Variants in SPIRE2 observed in about 807,000 individuals in gnomAD.
SPIRE2 encodes the protein spire type actin nucleation factor 2.
Under a neutral mutation model 80.7 loss-of-function variants are expected in SPIRE2, and 76 were observed. That is an observed-to-expected ratio of 0.94 (90% CI 0.78 to 1.14). SPIRE2 has a LOEUF of 1.14. Among genes scored for constraint, SPIRE2 ranks in the 50% most tolerant of loss-of-function variants. The pLI is 0.00. For missense variants in SPIRE2, 1,196 were observed against 1,015.3 expected (o/e 1.18, Z -2.42); for synonymous variants, 535 against 432.6 (o/e 1.24, Z -2.94).
At chr16:89,829,344 A>G (rs1332573997) in intron 1 of SPIRE2, among the ~76,000 whole-genome samples, 1 of 152,216 alleles carries the variant, frequency 6.6e-6, no homozygotes, top group East Asian at 1.9e-4. Context: ...CTTAACCATC[A>G]ACCAGAACCA....
At position 89,869,627 on chromosome 16, in the gene SPIRE2, C is replaced by T. The variant is rs768272909; in HGVS notation, c.1867C>T (p.Pro623Ser). ...IPVYTLGFESPQRVSAAKTAP... is the reference protein window; with the variant it reads ...IPVYTLGFESSQRVSAAKTAP... Reference sequence around the variant, plus strand: ...TGTCTACACACTGGGCTTTGAGAGTCCTCAGAGGGTATCAGCTGCCAAAAC... The same window carrying T: ...TGTCTACACACTGGGCTTTGAGAGTTCTCAGAGGGTATCAGCTGCCAAAAC... Residue 623 changes from proline (P) to serine (S), a missense_variant, in exon 14 of 15, where the codon CCT (proline) becomes TCT (serine). Pro to Ser is a moderately conservative substitution (Grantham distance 74). Transcript: ENST00000378247. 3 of 1,614,152 alleles carry T rather than the reference C, an allele frequency of 1.9e-6. No homozygotes were observed. The East Asian group carries it at 6.7e-5, about 36-fold the overall frequency.
intron 1 of SPIRE2, among the ~76,000 whole-genome samples, chr16:89,830,456 T>C (rs1313521076): frequency 6.6e-6 from 1 of 151,390 alleles, no homozygotes; most frequent in African/African-American, 2.4e-5. Context: ...CCCTGAACTT[T>C]CTGTGCCATC....
Position 89,828,794 on chromosome 16 carries a change from GGT to G in SPIRE2, c.244+2_244+3del. The G allele has an allele frequency of 8.5e-7, 1 of 1,181,090 alleles. No homozygotes were observed. 73.2% of individuals were successfully genotyped at this position (1,181,090 alleles called of 1,614,324 possible). On this transcript the variant is annotated splice_donor_variant, in intron 1 of 14. Transcript: ENST00000378247. LOFTEE classifies it high-confidence loss of function. This position sits in a 1 kb window ranked among gnomAD's most constrained non-coding sequence, Gnocchi z 5.9. ...CGGGGCGCGGGAGCCCGAGGCCGCG[GGT>G]GAGGCCGGGGGCGGGGCAGCCGGCG...
intron 1 of SPIRE2, chr16:89,836,151 G>A (rs2041447035): frequency 8.8e-6 from 4 of 454,862 alleles, no homozygotes; most frequent in South Asian, 3.1e-5. Context: ...CTCCAGCCTG[G>A]GCGACACAGT....
intron 3 of SPIRE2, among the ~76,000 whole-genome samples, chr16:89,852,788 G>A (rs1187817003): frequency 9.4e-5 from 3 of 31,802 alleles, no homozygotes; most frequent in Admixed American, 3.6e-4. Context: ...CCCATGGCCC[G>A]TCTTCCGTCC....
intron 1 of SPIRE2, among the ~76,000 whole-genome samples, chr16:89,835,261 T>C (rs1230447870): frequency 6.6e-6 from 1 of 152,226 alleles, no homozygotes; most frequent in Non-Finnish European, 1.5e-5. Flanking sequence ...CGTGTGATTT[T>C]TCGCTGAGCC....
In SPIRE2 at chr16:89,870,292, C is replaced by T; in HGVS notation, c.*20C>T. 1 of 1,539,984 alleles carries T rather than the reference C, an allele frequency of 6.5e-7. No individual in the cohort carries two copies. The highest frequency in any genetic ancestry group is 8.9e-7 in the Non-Finnish European group (1 of 1,129,888). ...AAGTGACAGCCCCAGGTGGCCAGGC[C>T]TCCAGGAGGCACCAGGCAGGCCCTG... On this transcript the variant is annotated 3_prime_UTR_variant, in exon 15 of 15. Coordinates refer to ENST00000378247, the MANE Select transcript of SPIRE2 (RefSeq NM_032451.2).
Position 89,869,593 on chromosome 16 carries a change from A to C in SPIRE2, c.1833A>C (p.Gly611=). 1.9e-6 allele frequency: 3 copies of C among 1,613,878 alleles called. No homozygotes were observed. Among genetic ancestry groups the C allele is most frequent in the Non-Finnish European group, 2.5e-6 (3 of 1,179,864 alleles). Residue 611 remains glycine (G), a synonymous_variant, in exon 14 of 15, where the codon GGA becomes GGC. Coordinates refer to ENST00000378247, the MANE Select transcript of SPIRE2 (RefSeq NM_032451.2). Reference sequence around the variant, plus strand: ...TGAAGATGCCTTCTAAGAAATTTGGACACATCCCTGTCTACACACTGGGCT... The same window carrying C: ...TGAAGATGCCTTCTAAGAAATTTGGCCACATCCCTGTCTACACACTGGGCT... ...IKMKMPSKKF[G]HIPVYTLGFE...
intron 9 of SPIRE2, 109 bp downstream of exon 9, chr16:89,859,463 G>T (rs1318703611): frequency 2.9e-5 from 17 of 594,018 alleles, no homozygotes; most frequent in Non-Finnish European, 4.0e-5. Context: ...GCAGCTCCCA[G>T]GGACCCAGGG....
chr16:89,866,959 A>G (rs950819014), intron 12 of SPIRE2, among the ~76,000 whole-genome samples: 4 of 152,110 alleles, frequency 2.6e-5, no homozygotes, highest in Non-Finnish European at 5.9e-5. Flanking sequence ...TATGGGAATT[A>G]AAACAAAATT....
chr16:89,863,373 C>A lies in SPIRE2; in HGVS notation c.1576-103C>A. ...GGACAGCGTTTTAGAAGGTCGCAGG[C>A]TTGTTTAGGCTGAGGCCAGGGAGGG... On this transcript the variant is annotated intron_variant, in intron 10 of 14. Coordinates refer to ENST00000378247, the MANE Select transcript of SPIRE2 (RefSeq NM_032451.2). This position sits in a 1 kb window ranked among gnomAD's most constrained non-coding sequence, Gnocchi z 4.3. 1 of 1,341,346 alleles carries A rather than the reference C, an allele frequency of 7.5e-7. No individual in the cohort carries two copies. Among genetic ancestry groups the A allele is most frequent in the Non-Finnish European group, 1.0e-6 (1 of 972,592 alleles). 83.1% of individuals were successfully genotyped at this position (1,341,346 alleles called of 1,614,324 possible). A position where few individuals can be genotyped will look rare whatever the true frequency, so the allele number is the denominator to read the frequency against.
intron 1 of SPIRE2, among the ~76,000 whole-genome samples, chr16:89,844,376 A>G (rs1401024004): frequency 6.6e-6 from 1 of 150,526 alleles, no homozygotes; most frequent in Non-Finnish European, 1.5e-5. Context: ...GGGTTTCATC[A>G]TGTTGGTCAG....
At chr16:89,860,195 G>A (rs1400471939) in intron 9 of SPIRE2, among the ~76,000 whole-genome samples, 1 of 152,146 alleles carries the variant, frequency 6.6e-6, no homozygotes. Flanking sequence ...CCCTTCCGGG[G>A]TCCTGTGGAC....
intron 10 of SPIRE2, among the ~76,000 whole-genome samples, chr16:89,861,163 C>T (rs565405581): frequency 5.3e-5 from 8 of 152,316 alleles, no homozygotes; most frequent in South Asian, 4.1e-4. Context: ...GACGCCGCCA[C>T]GGTACTGCTC....
rs116716123 is a variant in SPIRE2 at position 89,853,930 on chromosome 16, G to A, written c.646-356G>A. 1.9e-4 allele frequency among the ~76,000 whole-genome samples: 29 copies of A among 152,374 alleles called. 1 individual carries two copies. In the East Asian group the frequency reaches 1.9e-3, roughly 10 times the overall value. On this transcript the variant is annotated intron_variant, in intron 3 of 14. Coordinates refer to ENST00000378247, the MANE Select transcript of SPIRE2 (RefSeq NM_032451.2). ...CCAAGCCATGCACAAAGACTGGCCT[G>A]TGCCACACTGCGCTGAGCCCCAGAC...
In SPIRE2 at chr16:89,863,426, C is replaced by G. The variant is rs766767735; in HGVS notation, c.1576-50C>G. Reference sequence around the variant, plus strand: ...AGGGTCCTCAGGGAAGGAGAGTAAGCTAGGGGAGCCTCCTGCATAGAAGAC... The same window carrying G: ...AGGGTCCTCAGGGAAGGAGAGTAAGGTAGGGGAGCCTCCTGCATAGAAGAC... On this transcript the variant is annotated intron_variant, in intron 10 of 14. Coordinates refer to ENST00000378247, the MANE Select transcript of SPIRE2 (RefSeq NM_032451.2). This position sits in a 1 kb window ranked among gnomAD's most constrained non-coding sequence, Gnocchi z 4.3. 1 of 1,608,744 alleles carries G rather than the reference C, an allele frequency of 6.2e-7. No homozygotes were observed. The highest frequency in any genetic ancestry group is 1.1e-5 in the South Asian group (1 of 90,830).
In SPIRE2 at chr16:89,850,612, G is replaced by A. The variant is rs1437016070; in HGVS notation, c.597G>A (p.Glu199=). The part of the protein sequence containing the change: ...YQAVCRALFV[E]TLELRAFLAR... The stretch of plus-strand genomic sequence containing the variant: ...CCGTGTGCCGCGCGCTCTTCGTGGA[G>A]ACGCTGGAGCTGCGGGCCTTCCTGG... The change falls in exon 3 of 15, where the codon GAG becomes GAA. Residue 199 remains glutamate (E), a synonymous_variant. Transcript: ENST00000378247. 1.3e-6 allele frequency: 2 copies of A among 1,517,846 alleles called. No homozygotes were observed. Among genetic ancestry groups the A allele is most frequent in the East Asian group, 4.9e-5 (2 of 40,412 alleles). The allele number at this position is 1,517,846 out of a possible 1,614,324, so 94.0% of individuals were successfully genotyped here.
At chr16:89,855,071 T>C (rs1368438779) in intron 5 of SPIRE2, among the ~76,000 whole-genome samples, 1 of 152,168 alleles carries the variant, frequency 6.6e-6, no homozygotes, top group Non-Finnish European at 1.5e-5. Context: ...CCCAAGTAGC[T>C]GGGACTACAG....
intron 2 of SPIRE2, 77 bp downstream of exon 2, chr16:89,845,442 CAT>C (rs932257936): frequency 1.5e-6 from 2 of 1,298,176 alleles, no homozygotes; most frequent in African/African-American, 1.5e-5. Flanking sequence ...AATCATAAAA[CAT>C]ATATAGTTAC....
Sources: gnomAD v4.1 joint callset for allele counts (sites outside exome capture counted in the v4.1 genomes callset) on GRCh38, gnomAD v4.1.1 for gene constraint, Gnocchi (gnomAD v3.1) non-coding constraint, MANE v1.5 for transcripts, NCBI Gene and HGNC (gene_info 2026-07-23, HGNC 2026-07-21) for gene names.